SBSPON: variants seen among roughly 807,000 people sequenced by gnomAD.
SBSPON encodes somatomedin B and thrombospondin type 1 domain containing.
A neutral mutation model predicts 35.8 loss-of-function variants in SBSPON; 30 were observed. That is an observed-to-expected ratio of 0.84 (90% confidence interval 0.63 to 1.14). SBSPON has a LOEUF of 1.14. Among genes scored for constraint, SBSPON ranks in the 50% most tolerant of loss-of-function variants. The pLI, the probability that SBSPON is intolerant of heterozygous loss-of-function variation, is 0.00. For synonymous variants in SBSPON, 136 were observed against 135.9 expected (o/e 1.00, Z 0.00); for missense variants, 364 against 357.7 (o/e 1.02, Z -0.14).
Position 73,065,352 on chromosome 8 carries a change from T to C in SBSPON, c.*1989A>G, listed in dbSNP as rs1415515943. 2 of 152,196 alleles carry C rather than the reference T, an allele frequency of 1.3e-5. No homozygotes were observed. Among genetic ancestry groups the C allele is most frequent in the Non-Finnish European group, 2.9e-5 (2 of 68,026 alleles). 9.4% of individuals were successfully genotyped at this position (152,196 alleles called of 1,614,324 possible). A position where few individuals can be genotyped will look rare whatever the true frequency, so the allele number is the denominator to read the frequency against. Reference sequence around the variant, plus strand: ...ACCTATACCTATCAGTTCTGAAGGATTTTTTTGTTTTATTTTTGGTGAAAT... The same window carrying C: ...ACCTATACCTATCAGTTCTGAAGGACTTTTTTGTTTTATTTTTGGTGAAAT... On this transcript the variant is annotated 3_prime_UTR_variant, in exon 5 of 5. Coordinates refer to ENST00000297354, the MANE Select transcript of SBSPON (RefSeq NM_153225.4).
chr8:73,084,301 C>A (rs969512206), intron 1 of SBSPON, among the ~76,000 whole-genome samples: 1 of 152,216 alleles, frequency 6.6e-6, no homozygotes, highest in African/African-American at 2.4e-5. Flanking sequence ...CACAAGAGTG[C>A]AGCACATTTT....
intron 2 of SBSPON, among the ~76,000 whole-genome samples, chr8:73,073,324 T>G (rs1005449620): frequency 6.6e-5 from 10 of 152,316 alleles, no homozygotes; most frequent in African/African-American, 2.4e-4. Context: ...AGATACAAGC[T>G]GATATCAACT....
At chr8:73,081,342 G>A in intron 1 of SBSPON, 129 bp from the exon 2 acceptor site, 1 of 687,970 alleles carries the variant, frequency 1.5e-6, no homozygotes, top group South Asian at 2.6e-5. Context: ...TGTATCAGGA[G>A]ACGCACACAA....
chr8:73,079,314 C>G (rs1810651272), intron 2 of SBSPON, among the ~76,000 whole-genome samples: 1 of 152,112 alleles, frequency 6.6e-6, no homozygotes, highest in South Asian at 2.1e-4. Context: ...CAATCTCCCT[C>G]TCCCCCAGGA....
chr8:73,087,872 G>C (rs1276993280), intron 1 of SBSPON, among the ~76,000 whole-genome samples: 1 of 152,228 alleles, frequency 6.6e-6, no homozygotes, highest in Non-Finnish European at 1.5e-5. Context: ...TAGGAACCCA[G>C]CTGGAGAATC....
In SBSPON at chr8:73,070,729, G is replaced by C. The variant is rs77271655; in HGVS notation, c.501-748C>G. 8.6e-3 allele frequency among the ~76,000 whole-genome samples: 1,312 copies of C among 152,306 alleles called. 15 individuals carry two copies. The highest frequency in any genetic ancestry group is 0.014 in the Non-Finnish European group (959 of 68,018). ...ATATTTTAGAAATTTGTACTTCAGTGCAGTTTTCCAATTCTTCAGGGAAAC... is the reference window on the plus strand; with the variant it reads ...ATATTTTAGAAATTTGTACTTCAGTCCAGTTTTCCAATTCTTCAGGGAAAC... On this transcript the variant is annotated intron_variant, in intron 3 of 4. Transcript: ENST00000297354.
At chr8:73,083,492 CATCATAGATCACAAGAG>C (rs371139660) in intron 1 of SBSPON, among the ~76,000 whole-genome samples, 121 of 152,294 alleles carry the variant, frequency 7.9e-4, no homozygotes, top group African/African-American at 2.8e-3. Context: ...GATTGCAAGC[CATCATAGATCACAAGAG>C]ATCTTGGTCA....
At chr8:73,071,753 T>TAA (rs3830249) in intron 3 of SBSPON, 27 bp downstream of exon 3, 14,852 of 1,281,410 alleles carry the variant, frequency 0.012, 23 homozygotes, top group East Asian at 0.092. Flanking sequence ...AAAACATGAT[T>TAA]AAAAAAAAAA....
rs1810355774 is a variant in SBSPON at position 73,064,728 on chromosome 8, G to GT, written c.*2612dup. On this transcript the variant is annotated 3_prime_UTR_variant, in exon 5 of 5. Coordinates refer to ENST00000297354, the MANE Select transcript of SBSPON (RefSeq NM_153225.4). ...CTCCAAAAAGAATACTGTGATTATAGTTACCTTATTCCTTTTTCTATTCTT... is the reference window on the plus strand; with the variant it reads ...CTCCAAAAAGAATACTGTGATTATAGTTTACCTTATTCCTTTTTCTATTCTT... 1 of 94,266 alleles carries GT rather than the reference G, an allele frequency of 1.1e-5. No individual in the cohort carries two copies. Among genetic ancestry groups the GT allele is most frequent in the Non-Finnish European group, 2.9e-5 (1 of 35,012 alleles). The allele number at this position is 94,266 out of a possible 1,614,324, so 5.8% of individuals were successfully genotyped here. A position where few individuals can be genotyped will look rare whatever the true frequency, so the allele number is the denominator to read the frequency against.
intron 1 of SBSPON, among the ~76,000 whole-genome samples, chr8:73,086,791 TC>T (rs2130036913): frequency 6.6e-6 from 1 of 152,368 alleles, no homozygotes; most frequent in East Asian, 1.9e-4. Context: ...TAGTACTTTT[TC>T]TTTCTGGGTA....
At chr8:73,077,914 GTTCT>G in intron 2 of SBSPON, among the ~76,000 whole-genome samples, 1 of 152,310 alleles carries the variant, frequency 6.6e-6, no homozygotes, top group Non-Finnish European at 1.5e-5. Flanking sequence ...GCTCTGAAAA[GTTCT>G]TTGGTAGAGA....
rs778739192 is a variant in SBSPON, at chr8:73,081,088, G to T, written c.340C>A (p.Pro114Thr). Reference sequence around the variant, plus strand: ...AGGCAGCCAGCTCTCTCTTCCAGGGGTGGGCAGGGCGCCCCGCCGTTCTGA... The same window carrying T: ...AGGCAGCCAGCTCTCTCTTCCAGGGTTGGGCAGGGCGCCCCGCCGTTCTGA... ...EPQNGGAPCPPLEERAGCLEY... is the reference protein window; with the variant it reads ...EPQNGGAPCPTLEERAGCLEY... Residue 114 changes from proline to threonine, a missense_variant, in exon 2 of 5, where the codon CCC (proline) becomes ACC (threonine). Pro to Thr is a conservative substitution (Grantham distance 38). Coordinates refer to ENST00000297354, the MANE Select transcript of SBSPON (RefSeq NM_153225.4). 2 of 1,613,018 alleles carry T rather than the reference G, an allele frequency of 1.2e-6. No homozygotes were observed. The highest frequency in any genetic ancestry group is 1.7e-6 in the Non-Finnish European group (2 of 1,179,504).
intron 1 of SBSPON, among the ~76,000 whole-genome samples, chr8:73,088,084 T>C (rs1164090893): frequency 2.6e-5 from 4 of 152,198 alleles, no homozygotes; most frequent in Admixed American, 1.3e-4. Context: ...GCCATTGTCA[T>C]AAGGAGATTT....
Position 73,093,110 on chromosome 8 carries a change from G to A in SBSPON, c.-43C>T, listed in dbSNP as rs1333873216. 2.6e-6 allele frequency: 3 copies of A among 1,157,484 alleles called. No individual in the cohort carries two copies. In the African/African-American group the frequency reaches 4.9e-5, roughly 19 times the overall value. The allele number at this position is 1,157,484 out of a possible 1,614,324, so 71.7% of individuals were successfully genotyped here. On this transcript the variant is annotated 5_prime_UTR_variant, in exon 1 of 5. Transcript: ENST00000297354. ...CGCCTGCGACGCGACAGACCCCCGG[G>A]GCAAGCGCTCTGATCCTCGGCTGGC...
At chr8:73,080,212 C>A (rs1351502120) in intron 2 of SBSPON, among the ~76,000 whole-genome samples, 1 of 152,070 alleles carries the variant, frequency 6.6e-6, no homozygotes, top group Non-Finnish European at 1.5e-5. Context: ...TAAAACGAAT[C>A]ATTAAAAAAT....
Position 73,065,696 on chromosome 8 carries a change from G to C in SBSPON, c.*1645C>G, listed in dbSNP as rs899657969. ...TGGGAGGCTGAGGCAGAAGAATGGC[G>C]TGAACCCGGGAGGCGGAGCTTGCAG... On this transcript the variant is annotated 3_prime_UTR_variant, in exon 5 of 5. Coordinates refer to ENST00000297354, the MANE Select transcript of SBSPON (RefSeq NM_153225.4). 1 of 151,948 alleles carries C rather than the reference G, an allele frequency of 6.6e-6. No individual in the cohort carries two copies. The highest frequency in any genetic ancestry group is 2.4e-5 in the African/African-American group (1 of 41,380). The allele number at this position is 151,948 out of a possible 1,614,324, so 9.4% of individuals were successfully genotyped here.
At chr8:73,067,613 T>A (rs1355535520) in intron 4 of SBSPON, among the ~76,000 whole-genome samples, 155 bp from the exon 5 acceptor site, 2 of 1,304 alleles carry the variant, frequency 1.5e-3, no homozygotes, top group African/African-American at 8.6e-3. Context: ...ATATAGTTTT[T>A]TTTTTTTTCT....
intron 1 of SBSPON, among the ~76,000 whole-genome samples, chr8:73,082,049 C>T (rs573852819): frequency 6.6e-6 from 1 of 152,320 alleles, no homozygotes; most frequent in African/African-American, 2.4e-5. Context: ...TCCAGCAATA[C>T]ATACTGGGAT....
intron 2 of SBSPON, among the ~76,000 whole-genome samples, chr8:73,075,095 G>T (rs971184526): frequency 3.9e-5 from 6 of 152,164 alleles, no homozygotes; most frequent in African/African-American, 1.4e-4. Flanking sequence ...TTCCAGGCTG[G>T]TCTTCTGGGG....
Sources: gnomAD v4.1 joint callset for allele counts (sites outside exome capture counted in the v4.1 genomes callset) on GRCh38, gnomAD v4.1.1 for gene constraint, MANE v1.5 for transcripts, NCBI Gene and HGNC (gene_info 2026-07-23, HGNC 2026-07-21) for gene names.